Variants in TMTC1 observed in about 807,000 individuals in gnomAD.
TMTC1 encodes the protein transmembrane O-mannosyltransferase targeting cadherins 1, also known as protein O-mannosyl-transferase TMTC1.
TMTC1 carries 73 observed loss-of-function variants against 104.8 expected under a neutral mutation model. The ratio of observed to expected loss-of-function variants is 0.70; its 90% CI spans 0.58 to 0.85. The LOEUF is 0.85. Among genes scored for constraint, TMTC1 ranks in the 40% least tolerant of loss-of-function variants. The pLI, the probability that TMTC1 is intolerant of heterozygous loss-of-function variation, is 0.00. For synonymous variants in TMTC1, 434 were observed against 428.7 expected (o/e 1.01, Z -0.15); for missense variants, 1,035 against 1,096.1 (o/e 0.94, Z 0.79).
chr12:29,549,122 G>A (rs533217163), intron 10 of TMTC1, among the ~76,000 whole-genome samples: 2 of 149,786 alleles, frequency 1.3e-5, no homozygotes, highest in South Asian at 2.1e-4. Flanking sequence ...AGCTTTATTC[G>A]TAATAACCCA....
At chr12:29,554,671 C>T (rs1945191371) in intron 10 of TMTC1, among the ~76,000 whole-genome samples, 1 of 152,054 alleles carries the variant, frequency 6.6e-6, no homozygotes, top group Non-Finnish European at 1.5e-5. Context: ...GAGTTTGAGA[C>T]CGGCCTGGGT....
Position 29,502,535 on chromosome 12 carries a change from A to G in TMTC1, c.*4311T>C, listed in dbSNP as rs778556406. ...GCAAATTTCAAGGCAATTCCTCTCCATCTGAGAACGAGGAATTGTGTCATT... is the reference window on the plus strand; with the variant it reads ...GCAAATTTCAAGGCAATTCCTCTCCGTCTGAGAACGAGGAATTGTGTCATT... On this transcript the variant is annotated 3_prime_UTR_variant, in exon 18 of 18. Transcript: ENST00000539277. 6.6e-6 allele frequency: 1 copy of G among 152,130 alleles called. No individual in the cohort carries two copies. Among genetic ancestry groups the G allele is most frequent in the Non-Finnish European group, 1.5e-5 (1 of 68,018 alleles). The allele number at this position is 152,130 out of a possible 1,614,324, so 9.4% of individuals were successfully genotyped here.
intron 7 of TMTC1, among the ~76,000 whole-genome samples, chr12:29,589,921 G>T (rs193156302): frequency 6.6e-6 from 1 of 152,302 alleles, no homozygotes; most frequent in East Asian, 1.9e-4. Flanking sequence ...GCTTAAAAGA[G>T]TTGAGTAACT....
At chr12:29,586,853 AT>A (rs1946149442) in intron 7 of TMTC1, among the ~76,000 whole-genome samples, 1 of 151,440 alleles carries the variant, frequency 6.6e-6, no homozygotes, top group African/African-American at 2.4e-5. Context: ...TTTATTGAGG[AT>A]TTTTGCATCA....
intron 6 of TMTC1, among the ~76,000 whole-genome samples, chr12:29,612,752 G>A (rs1291294088): frequency 1.3e-5 from 2 of 152,272 alleles, no homozygotes; most frequent in South Asian, 2.1e-4. Flanking sequence ...CTGAAAGAAT[G>A]GACGTATACA....
In TMTC1 at chr12:29,768,084, CAAAAG is replaced by C. The variant is rs578039570; in HGVS notation, c.303-14_303-10del. The C allele has an allele frequency of 3.3e-3, 5,149 of 1,539,182 alleles. 16 individuals carry two copies. Among genetic ancestry groups the C allele is most frequent in the Non-Finnish European group, 4.1e-3 (4,748 of 1,145,328 alleles). On this transcript the variant is annotated splice_polypyrimidine_tract_variant and intron_variant, in intron 1 of 17. Transcript: ENST00000539277. ...TCAAAAATATGTTTAGCCTGTAAAACAAAAGAAAAAAGAAAAAAACTGCATTAGCT... is the reference window on the plus strand; with the variant it reads ...TCAAAAATATGTTTAGCCTGTAAAACAAAAAAGAAAAAAACTGCATTAGCT...
intron 5 of TMTC1, among the ~76,000 whole-genome samples, chr12:29,659,213 T>C (rs1296553430): frequency 6.6e-6 from 1 of 152,244 alleles, no homozygotes; most frequent in Admixed American, 6.5e-5. Flanking sequence ...AATAGATAGT[T>C]ATTATTGACA....
chr12:29,652,863 A>G (rs762360340), intron 5 of TMTC1, among the ~76,000 whole-genome samples: 21 of 152,196 alleles, frequency 1.4e-4, no homozygotes, highest in Non-Finnish European at 2.8e-4. Flanking sequence ...GGAGTTCAAC[A>G]CCAGCCTGAC....
At chr12:29,708,075 G>A (rs1325219798) in intron 5 of TMTC1, among the ~76,000 whole-genome samples, 1 of 152,166 alleles carries the variant, frequency 6.6e-6, no homozygotes, top group African/African-American at 2.4e-5. Context: ...CATATGCCAG[G>A]CAGTGTGCCC....
chr12:29,565,633 G>A (rs1299584385), intron 9 of TMTC1, among the ~76,000 whole-genome samples: 1 of 152,186 alleles, frequency 6.6e-6, no homozygotes, highest in African/African-American at 2.4e-5. Flanking sequence ...GATCACATGA[G>A]GTCAGGAGTT....
At chr12:29,547,917 AAGG>A (rs1368874495) in intron 10 of TMTC1, among the ~76,000 whole-genome samples, 3 of 152,246 alleles carry the variant, frequency 2.0e-5, no homozygotes, top group South Asian at 2.1e-4. Flanking sequence ...TCAAAATCAG[AAGG>A]AGATCAACAG....
chr12:29,745,634 A>AG (rs1942935813), intron 5 of TMTC1, among the ~76,000 whole-genome samples: 1 of 151,584 alleles, frequency 6.6e-6, no homozygotes, highest in Non-Finnish European at 1.5e-5. Flanking sequence ...AAAAAAAAAA[A>AG]AAAAAGAAAG....
chr12:29,767,143 G>A (rs1943484584), intron 2 of TMTC1, among the ~76,000 whole-genome samples: 1 of 152,110 alleles, frequency 6.6e-6, no homozygotes, highest in South Asian at 2.1e-4. Context: ...AGTAGACATG[G>A]GGATTCACCA....
chr12:29,650,757 T>C (rs897875210), intron 5 of TMTC1, among the ~76,000 whole-genome samples: 1 of 152,128 alleles, frequency 6.6e-6, no homozygotes, highest in African/African-American at 2.4e-5. Context: ...CTAACCGATG[T>C]TGTAGGTAAA....
intron 16 of TMTC1, among the ~76,000 whole-genome samples, chr12:29,513,152 C>T (rs1433937257): frequency 6.6e-6 from 1 of 152,172 alleles, no homozygotes; most frequent in Non-Finnish European, 1.5e-5. Context: ...TTACCCACTT[C>T]TGTGACTTTG....
intron 5 of TMTC1, among the ~76,000 whole-genome samples, chr12:29,690,099 A>G (rs2199622): frequency 0.14 from 21,047 of 152,182 alleles, 1,742 homozygotes; most frequent in East Asian, 0.34. Flanking sequence ...AATCCCTGCT[A>G]TAATATAATT....
At chr12:29,722,393 C>T (rs1942260368) in intron 5 of TMTC1, among the ~76,000 whole-genome samples, 1 of 152,164 alleles carries the variant, frequency 6.6e-6, no homozygotes, top group South Asian at 2.1e-4. Flanking sequence ...AAAAGCCGTA[C>T]TCTGTGATGA....
At chr12:29,630,706 G>A (rs1399043809) in intron 6 of TMTC1, among the ~76,000 whole-genome samples, 7 of 152,268 alleles carry the variant, frequency 4.6e-5, no homozygotes, top group East Asian at 1.9e-4. Flanking sequence ...CACTTTGTCT[G>A]CTATTATAAA....
intron 5 of TMTC1, among the ~76,000 whole-genome samples, chr12:29,687,638 T>C (rs2113877): frequency 0.14 from 21,031 of 152,188 alleles, 1,730 homozygotes; most frequent in East Asian, 0.34. Context: ...AGAATGTCCT[T>C]GTGTACTAAT....
Sources: allele counts gnomAD v4.1 joint callset (sites outside exome capture counted in the v4.1 genomes callset), GRCh38; gene constraint gnomAD v4.1.1; transcripts MANE v1.5; gene names NCBI Gene and HGNC (gene_info 2026-07-23, HGNC 2026-07-21).